Variants in LTBP1 observed in about 807,000 individuals in gnomAD.
LTBP1 encodes the protein latent transforming growth factor beta binding protein 1.
Under a neutral mutation model 207.6 loss-of-function variants are expected in LTBP1, and 129 were observed. The ratio of observed to expected loss-of-function variants is 0.62; its 90% CI spans 0.54 to 0.72. The LOEUF (loss-of-function observed/expected upper bound fraction) is 0.72. Ranked by LOEUF, LTBP1 falls within the 30% of genes least tolerant of loss-of-function variation. The probability of loss-of-function intolerance (pLI) is 0.00; values close to 1 mark genes in which losing one functional copy is unlikely to be tolerated. For missense variants in LTBP1, 2,281 were observed against 2,217.2 expected, an observed-to-expected ratio of 1.03 and a Z score of -0.58; for synonymous variants, 963 against 833.7, an observed-to-expected ratio of 1.16 and a Z score of -2.67.
chr2:33,320,054 T>C (rs1032307604), intron 24 of LTBP1, among the ~76,000 whole-genome samples: 2 of 152,118 alleles, frequency 1.3e-5, no homozygotes, highest in Non-Finnish European at 2.9e-5. Flanking sequence ...CAATAACTAA[T>C]AGATAACTAA....
intron 31 of LTBP1, among the ~76,000 whole-genome samples, chr2:33,386,106 T>G (rs530047289): frequency 6.6e-5 from 10 of 152,336 alleles, no homozygotes; most frequent in African/African-American, 2.4e-4. Context: ...AGGAACCATT[T>G]GGTAGTTCCA....
chr2:33,029,913 A>T (rs1010399253), intron 3 of LTBP1, among the ~76,000 whole-genome samples: 1 of 152,258 alleles, frequency 6.6e-6, no homozygotes, highest in Non-Finnish European at 1.5e-5. Context: ...ATTCTGTTTC[A>T]TGAAGGAAAT....
intron 2 of LTBP1, among the ~76,000 whole-genome samples, chr2:33,019,107 C>T (rs540790299): frequency 6.6e-6 from 1 of 152,210 alleles, no homozygotes; most frequent in South Asian, 2.1e-4. Context: ...TTTTGCTTGT[C>T]TATTTTGTAA....
At chr2:33,346,493 G>C (rs1443060867) in intron 25 of LTBP1, among the ~76,000 whole-genome samples, 2 of 151,870 alleles carry the variant, frequency 1.3e-5, no homozygotes, top group African/African-American at 4.8e-5. Context: ...TGACCATCCT[G>C]GCCAACATGG....
chr2:33,198,536 T>C (rs970538908), intron 7 of LTBP1, among the ~76,000 whole-genome samples: 19 of 152,172 alleles, frequency 1.2e-4, no homozygotes, highest in Non-Finnish European at 2.5e-4. Context: ...CCTGGACTCT[T>C]TTTGGTTGGT....
chr2:33,343,110 T>C (rs1056802673), intron 25 of LTBP1, 147 bp downstream of exon 25: 2 of 1,009,724 alleles, frequency 2.0e-6, no homozygotes, highest in Non-Finnish European at 2.8e-6. Flanking sequence ...TGTGCAAAAA[T>C]ATCCTATGTT....
chr2:33,077,991 G>C (rs395997), intron 3 of LTBP1, among the ~76,000 whole-genome samples: 59,471 of 152,046 alleles, frequency 0.39, 13,357 homozygotes, highest in East Asian at 0.63. Context: ...TGTAGATTTT[G>C]AGGTTGAGTG....
At chr2:33,270,973 A>G (rs2093308254) in intron 15 of LTBP1, among the ~76,000 whole-genome samples, 1 of 152,218 alleles carries the variant, frequency 6.6e-6, no homozygotes, top group Non-Finnish European at 1.5e-5. Flanking sequence ...TTTATTCCTA[A>G]GACTAAAGAG....
At chr2:33,283,343 C>A (rs1234007292) in intron 19 of LTBP1, among the ~76,000 whole-genome samples, 1 of 150,802 alleles carries the variant, frequency 6.6e-6, no homozygotes, top group African/African-American at 2.4e-5. Context: ...GTGATTATAT[C>A]CTTTTAGTTC....
rs536265235 is a variant in LTBP1, at chr2:33,261,182, G to C, written c.2419-1540G>C. Among the ~76,000 whole-genome samples the C allele has an allele frequency of 1.2e-4, 18 of 152,282 alleles. No individual in the cohort carries two copies. In the South Asian group the frequency reaches 3.7e-3, roughly 32 times the overall value. On this transcript the variant is annotated intron_variant, in intron 13 of 33. Transcript: ENST00000404816. ...GGGGAAATACCCTGCTTCTCGACTG[G>C]ACCGTATTTGTTAAATGTAGAAGTG...
At chr2:33,016,428 T>G (rs1267656073) in intron 2 of LTBP1, among the ~76,000 whole-genome samples, 1 of 152,214 alleles carries the variant, frequency 6.6e-6, no homozygotes, top group Non-Finnish European at 1.5e-5. Flanking sequence ...ACCCACTACT[T>G]TTCAGACTTG....
chr2:33,018,796 C>T (rs563975929), intron 2 of LTBP1, among the ~76,000 whole-genome samples: 181 of 152,216 alleles, frequency 1.2e-3, no homozygotes, highest in Non-Finnish European at 1.3e-3. Flanking sequence ...TCCTCATAAC[C>T]CCCAAACACA....
At chr2:33,233,099 T>A (rs2091877818) in intron 9 of LTBP1, among the ~76,000 whole-genome samples, 1 of 152,188 alleles carries the variant, frequency 6.6e-6, no homozygotes, top group South Asian at 2.1e-4. Flanking sequence ...TCCTCAAATT[T>A]GAAAAGTGTT....
chr2:33,150,373 T>G (rs1281622726), intron 5 of LTBP1, among the ~76,000 whole-genome samples: 1 of 152,186 alleles, frequency 6.6e-6, no homozygotes, highest in South Asian at 2.1e-4. Context: ...ACATGACTGA[T>G]TTTTTCCCCA....
At chr2:33,252,388 G>A (rs1379197561) in intron 10 of LTBP1, among the ~76,000 whole-genome samples, 1 of 152,160 alleles carries the variant, frequency 6.6e-6, no homozygotes, top group Non-Finnish European at 1.5e-5. Flanking sequence ...GGTTTTTGTT[G>A]AAATGTTTCT....
chr2:32,995,045 G>A (rs1685037594), intron 2 of LTBP1, among the ~76,000 whole-genome samples: 3 of 152,070 alleles, frequency 2.0e-5, no homozygotes, highest in Admixed American at 2.0e-4. Context: ...TTAGCTAGGT[G>A]TGGTAGTACG....
intron 2 of LTBP1, among the ~76,000 whole-genome samples, chr2:32,959,133 T>C (rs539556876): frequency 6.6e-5 from 10 of 152,300 alleles, no homozygotes; most frequent in African/African-American, 2.2e-4. Flanking sequence ...AACTAGAAGA[T>C]GGATGGGCTG....
intron 3 of LTBP1, among the ~76,000 whole-genome samples, chr2:33,056,150 CAG>C (rs575197035): frequency 4.8e-4 from 73 of 152,168 alleles, no homozygotes; most frequent in African/African-American, 1.6e-3. Context: ...TTTTCCCCAT[CAG>C]AGAGAGAATA....
At chr2:32,996,820 G>T (rs1462076799) in intron 2 of LTBP1, among the ~76,000 whole-genome samples, 1 of 152,090 alleles carries the variant, frequency 6.6e-6, no homozygotes, top group Non-Finnish European at 1.5e-5. Context: ...GGCCAGTCTC[G>T]CGCAGTTCCT....
Sources: gnomAD v4.1 joint callset for allele counts (sites outside exome capture counted in the v4.1 genomes callset) on GRCh38, gnomAD v4.1.1 for gene constraint, MANE v1.5 for transcripts, NCBI Gene and HGNC (gene_info 2026-07-23, HGNC 2026-07-21) for gene names.